The following ADAM2 variants were observed in gnomAD, a reference collection of about 807,000 sequenced individuals.
The protein encoded by ADAM2 is disintegrin and metalloproteinase domain-containing protein 2.
In ADAM2, 101 loss-of-function variants were observed where a neutral mutation model predicts 99.3. The observed-to-expected ratio is 1.02, with a 90% confidence interval of 0.87 to 1.20. The LOEUF is 1.20. Ranked by LOEUF, ADAM2 falls within the 50% of genes most tolerant of loss-of-function variation. ADAM2 has a pLI of 0.00. For missense variants in ADAM2, 948 were observed against 878.7 expected, an observed-to-expected ratio of 1.08 and a Z score of -1.00; for synonymous variants, 323 against 287.6, an observed-to-expected ratio of 1.12 and a Z score of -1.25.
In ADAM2 at chr8:39,813,081, C is replaced by G. The variant is rs563274935; in HGVS notation, c.514-3615G>C. Among the ~76,000 whole-genome samples the G allele has an allele frequency of 3.1e-3, 474 of 152,214 alleles. 7 individuals are homozygous for G. The highest frequency in any genetic ancestry group is 0.011 in the African/African-American group (451 of 41,542). ...CTTAAACAAATTTACAAGAAAAAAT[C>G]AAACAACCCCATCAAAAAGTGGGTG... On this transcript the variant is annotated intron_variant, in intron 6 of 20. Transcript: ENST00000265708.
chr8:39,767,444 G>A (rs1004961963), intron 12 of ADAM2, among the ~76,000 whole-genome samples, 193 bp from the exon 13 acceptor site: 1 of 152,192 alleles, frequency 6.6e-6, no homozygotes, highest in African/African-American at 2.4e-5. Flanking sequence ...GCCAGACCAT[G>A]TGTTGCTCAT....
intron 10 of ADAM2, among the ~76,000 whole-genome samples, chr8:39,785,122 G>T (rs567329342): frequency 1.8e-4 from 28 of 152,194 alleles, no homozygotes; most frequent in Admixed American, 1.6e-3. Context: ...ATATTATTTG[G>T]CAATGCCAAA....
At chr8:39,817,796 C>T (rs1400550605) in intron 6 of ADAM2, 1 of 151,534 alleles carries the variant, frequency 6.6e-6, no homozygotes, top group Admixed American at 6.6e-5. Flanking sequence ...AAAATCGTAC[C>T]GATATTTAAA....
At chr8:39,756,838 G>A (rs1411090441) in intron 15 of ADAM2, among the ~76,000 whole-genome samples, 1 of 152,140 alleles carries the variant, frequency 6.6e-6, no homozygotes, top group Non-Finnish European at 1.5e-5. Flanking sequence ...ATCAACCTTA[G>A]GCAAAGCCAT....
chr8:39,777,455 C>T (rs1803036411), intron 10 of ADAM2, among the ~76,000 whole-genome samples: 1 of 151,754 alleles, frequency 6.6e-6, no homozygotes, highest in African/African-American at 2.4e-5. Context: ...TTTATATTCA[C>T]AAAAGATAAT....
intron 10 of ADAM2, among the ~76,000 whole-genome samples, chr8:39,784,365 G>C (rs1010441812): frequency 6.6e-6 from 1 of 151,990 alleles, no homozygotes; most frequent in African/African-American, 2.4e-5. Context: ...GGAAGCTAGC[G>C]TGCCTCTAAT....
intron 9 of ADAM2, 60 bp from the exon 10 acceptor site, chr8:39,787,115 TAA>T (rs1187349419): frequency 1.9e-6 from 2 of 1,052,084 alleles, no homozygotes. Flanking sequence ...TGAATTTTTA[TAA>T]GACAAATTTT....
At position 39,838,133 on chromosome 8, in the gene ADAM2, C is replaced by T; in HGVS notation, c.53G>A (p.Ser18Asn). The T allele has an allele frequency of 6.2e-7, 1 of 1,614,134 alleles. No homozygotes were observed. The highest frequency in any genetic ancestry group is 1.1e-5 in the South Asian group (1 of 91,084). ...LSGLGGLRMD[S>N]NFDSLPVQIT... ...AGAGGAGGGGTTTTTCTGCTTACTA[C>T]TGTCCATCCGCAGCCCGCCGAGCCC... The change falls in exon 1 of 21, where the codon AGT becomes AAT. Residue 18 changes from serine (S) to asparagine (N), a missense_variant and splice_region_variant. Coordinates refer to ENST00000265708, the MANE Select transcript of ADAM2 (RefSeq NM_001464.5).
At chr8:39,795,310 G>T (rs542781711) in intron 7 of ADAM2, among the ~76,000 whole-genome samples, 10 of 151,982 alleles carry the variant, frequency 6.6e-5, no homozygotes, top group Non-Finnish European at 1.5e-4. Context: ...GAGGGGTGGG[G>T]GTCAGACATG....
chr8:39,766,438 CTTT>C (rs770236532), intron 14 of ADAM2, among the ~76,000 whole-genome samples: 2 of 142,578 alleles, frequency 1.4e-5, no homozygotes, highest in African/African-American at 2.6e-5. Flanking sequence ...ACAGTATTCT[CTTT>C]TTTTTTTTTT....
At chr8:39,824,953 A>G in intron 3 of ADAM2, 56 bp from the exon 4 acceptor site, 3 of 786,744 alleles carry the variant, frequency 3.8e-6, no homozygotes, top group Non-Finnish European at 6.5e-6. Context: ...GTTTTGAAAC[A>G]TTTATTTTAT....
At chr8:39,803,982 G>A (rs1192271778) in intron 7 of ADAM2, among the ~76,000 whole-genome samples, 1 of 152,210 alleles carries the variant, frequency 6.6e-6, no homozygotes, top group African/African-American at 2.4e-5. Context: ...GAATGTGCAC[G>A]TTTGGAATTC....
At chr8:39,830,546 A>C (rs1805571511) in intron 3 of ADAM2, among the ~76,000 whole-genome samples, 1 of 152,134 alleles carries the variant, frequency 6.6e-6, no homozygotes, top group Non-Finnish European at 1.5e-5. Flanking sequence ...AGCAATAGAA[A>C]CAAAGGCTGG....
intron 14 of ADAM2, 106 bp downstream of exon 14, chr8:39,766,742 T>C: frequency 1.1e-6 from 1 of 886,148 alleles, no homozygotes; most frequent in African/African-American, 1.7e-5. Context: ...TTAGAATATT[T>C]AAACTAAATG....
At chr8:39,781,588 T>C (rs956638936) in intron 10 of ADAM2, among the ~76,000 whole-genome samples, 1 of 152,216 alleles carries the variant, frequency 6.6e-6, no homozygotes, top group Non-Finnish European at 1.5e-5. Context: ...TGTAGTGCAC[T>C]ACAGGATATG....
chr8:39,751,626 A>G (rs1801949275), intron 16 of ADAM2, among the ~76,000 whole-genome samples: 1 of 152,224 alleles, frequency 6.6e-6, no homozygotes, highest in African/African-American at 2.4e-5. Context: ...AAAATTAAAA[A>G]TTATTTATAA....
At chr8:39,788,583 T>G in intron 8 of ADAM2, 86 bp downstream of exon 8, 3 of 882,570 alleles carry the variant, frequency 3.4e-6, no homozygotes, top group Non-Finnish European at 5.1e-6. Context: ...CCACACAACG[T>G]GTGGATTCAT....
intron 16 of ADAM2, among the ~76,000 whole-genome samples, chr8:39,753,623 G>A (rs181291739): frequency 3.3e-5 from 5 of 152,280 alleles, no homozygotes; most frequent in Admixed American, 6.5e-5. Flanking sequence ...GCAGGGCCCA[G>A]GGTCCCCCTG....
intron 15 of ADAM2, among the ~76,000 whole-genome samples, chr8:39,758,659 A>G (rs924062144): frequency 6.6e-5 from 10 of 152,062 alleles, no homozygotes; most frequent in African/African-American, 2.4e-4. Flanking sequence ...AAAGGAACCA[A>G]GGCTCCTTGG....
Sources: allele counts gnomAD v4.1 joint callset (sites outside exome capture counted in the v4.1 genomes callset), GRCh38; gene constraint gnomAD v4.1.1; transcripts MANE v1.5; gene names NCBI Gene and HGNC (gene_info 2026-07-23, HGNC 2026-07-21).